The following TAF4 variants were observed in gnomAD, a reference collection of about 807,000 sequenced individuals.
TAF4 encodes transcription initiation factor TFIID subunit 4.
TAF4 carries 9 observed loss-of-function variants against 90.3 expected under a neutral mutation model. The ratio of observed to expected loss-of-function variants is 0.10; its 90% confidence interval spans 0.06 to 0.17. TAF4 has a LOEUF of 0.17. TAF4 is among the 10% of genes least tolerant of loss of function. The pLI is 1.00. For synonymous variants in TAF4, 818 were observed against 638.9 expected, an observed-to-expected ratio of 1.28 and a Z score of -4.23; for missense variants, 1,351 against 1,370.7, an observed-to-expected ratio of 0.99 and a Z score of 0.23.
intron 1 of TAF4, 37 bp from the exon 2 acceptor site, chr20:62,014,744 C>T (rs757188104): frequency 6.2e-7 from 1 of 1,605,366 alleles, no homozygotes; most frequent in South Asian, 1.1e-5. Context: ...GGAACGCAAC[C>T]ACCCCAGAGC....
chr20:61,991,543 G>A (rs536262648), intron 14 of TAF4, among the ~76,000 whole-genome samples: 2 of 151,766 alleles, frequency 1.3e-5, no homozygotes, highest in Non-Finnish European at 2.9e-5. Flanking sequence ...AGGCTGCAGT[G>A]AGCTGTGATC....
chr20:62,004,328 C>CTTTTT (rs60437230), intron 7 of TAF4, among the ~76,000 whole-genome samples: 35,297 of 116,194 alleles, frequency 0.3, 5,887 homozygotes, highest in Non-Finnish European at 0.33. Flanking sequence ...CTTTTCTTTT[C>CTTTTT]TTTTTTTTTT....
intron 14 of TAF4, among the ~76,000 whole-genome samples, chr20:61,987,230 G>A (rs1230141721): frequency 3.9e-5 from 6 of 152,060 alleles, no homozygotes; most frequent in South Asian, 2.1e-4. Context: ...CTAAGGAAAC[G>A]TCCACCAGAC....
chr20:62,045,553 G>A (rs756440778), intron 1 of TAF4, among the ~76,000 whole-genome samples: 2 of 152,232 alleles, frequency 1.3e-5, no homozygotes, highest in South Asian at 2.1e-4. Flanking sequence ...CAGGAATACA[G>A]ACTAGCATGC....
intron 1 of TAF4, among the ~76,000 whole-genome samples, chr20:62,016,740 TCTCTC>T (rs906437535): frequency 4.6e-5 from 7 of 152,196 alleles, no homozygotes; most frequent in African/African-American, 7.2e-5. Flanking sequence ...CATAGATTCA[TCTCTC>T]CTATTAGTTC....
At chr20:62,004,327 T>TC (rs2055729390) in intron 7 of TAF4, among the ~76,000 whole-genome samples, 1 of 125,828 alleles carries the variant, frequency 7.9e-6, no homozygotes, top group Non-Finnish European at 1.7e-5. Context: ...TCTTTTCTTT[T>TC]CTTTTTTTTT....
At chr20:61,984,896 T>C (rs1234109372) in intron 14 of TAF4, among the ~76,000 whole-genome samples, 1 of 62,616 alleles carries the variant, frequency 1.6e-5, no homozygotes, top group African/African-American at 7.0e-5. Context: ...GCAGCAGGAC[T>C]AGGGAGGGTG....
intron 1 of TAF4, among the ~76,000 whole-genome samples, chr20:62,054,586 C>A (rs2056049983): frequency 1.3e-5 from 2 of 152,168 alleles, no homozygotes; most frequent in Non-Finnish European, 1.5e-5. Context: ...TTGCTCTGGG[C>A]CACCCTTCCT....
intron 14 of TAF4, chr20:61,980,754 G>T (rs962798452): frequency 3.3e-5 from 5 of 152,302 alleles, no homozygotes; most frequent in Admixed American, 1.3e-4. Flanking sequence ...GTCTGCACTG[G>T]ACGAGGGCGC....
At chr20:62,034,603 G>T (rs1377609756) in intron 1 of TAF4, among the ~76,000 whole-genome samples, 1 of 151,456 alleles carries the variant, frequency 6.6e-6, no homozygotes, top group Non-Finnish European at 1.5e-5. Flanking sequence ...GTGCTGAGAT[G>T]ACAGGCATGA....
Position 62,054,770 on chromosome 20 carries a change from C to G in TAF4, c.1360+9681G>C, listed in dbSNP as rs368388679. 3.3e-5 allele frequency among the ~76,000 whole-genome samples: 5 copies of G among 152,260 alleles called. No homozygotes were observed. The South Asian group carries it at 6.2e-4, about 19-fold the overall frequency. ...ACCTGCAGGGCAGCCTCCTACGGCT[C>G]TTCTAGTCTACTCTACAGGCTCATA... On this transcript the variant is annotated intron_variant, in intron 1 of 14. Coordinates refer to ENST00000252996, the MANE Select transcript of TAF4 (RefSeq NM_003185.4).
intron 14 of TAF4, among the ~76,000 whole-genome samples, chr20:61,984,177 G>A (rs1337007089): frequency 4.6e-5 from 7 of 152,082 alleles, no homozygotes; most frequent in African/African-American, 1.7e-4. Context: ...ATGTCCACCC[G>A]CTCATCACGT....
chr20:62,041,248 T>G (rs1488286963), intron 1 of TAF4, among the ~76,000 whole-genome samples: 1 of 152,176 alleles, frequency 6.6e-6, no homozygotes, highest in Non-Finnish European at 1.5e-5. Flanking sequence ...ATCTGTGCAC[T>G]TACAAGGGGG....
chr20:62,064,893 C>A lies in TAF4; in HGVS notation c.918G>T (p.Gly306=). 1.2e-6 allele frequency: 1 copy of A among 842,956 alleles called. No individual in the cohort carries two copies. The highest frequency in any genetic ancestry group is 5.4e-5 in the South Asian group (1 of 18,670). 52.2% of individuals were successfully genotyped at this position (842,956 alleles called of 1,614,324 possible). A position where few individuals can be genotyped will look rare whatever the true frequency, so the allele number is the denominator to read the frequency against. The change falls in exon 1 of 15, where the codon GGG becomes GGT. Residue 306 remains glycine (G), a synonymous_variant. Coordinates refer to ENST00000252996, the MANE Select transcript of TAF4 (RefSeq NM_003185.4). ...AVPPPAAAQN[G]GSAGAAPAPA... ...GGGCGGGGGCTGCCCCGGCGCTGCC[C>A]CCGTTCTGGGCGGCGGCGGGGGGCG...
Position 62,006,667 on chromosome 20 carries a change from G to A in TAF4, c.2066C>T (p.Ala689Val), listed in dbSNP as rs1481689578. The change falls in exon 7 of 15, where the codon GCC becomes GTC. Residue 689 changes from alanine (A) to valine (V), a missense_variant. Physicochemically the swap from Ala to Val is moderately conservative, Grantham distance 64. This residue lies in a region of TAF4 where 202 missense variants were observed against 229.7 expected (regional missense o/e 0.88). Transcript: ENST00000252996. The surrounding 1 kb of genome is among the most constrained non-coding windows in gnomAD (Gnocchi z 7.0). ...QQQPPPPTSQATTALTAVVLS... is the reference protein window; with the variant it reads ...QQQPPPPTSQVTTALTAVVLS... ...CACCACGGCCGTGAGCGCAGTGGTG[G>A]CCTGCGAGGTGGGCGGTGGCGGCTG... The A allele has an allele frequency of 5.6e-6, 9 of 1,596,444 alleles. No homozygotes were observed. The highest frequency in any genetic ancestry group is 1.3e-5 in the African/African-American group (1 of 74,182).
intron 1 of TAF4, among the ~76,000 whole-genome samples, chr20:62,059,352 A>G (rs1027082999): frequency 2.6e-5 from 4 of 152,250 alleles, no homozygotes; most frequent in African/African-American, 7.2e-5. Flanking sequence ...TTCATTTGAG[A>G]TATGTAAAAA....
rs756164065 is a variant in TAF4, at chr20:62,064,577, G to C, written c.1234C>G (p.Leu412Val). The C allele has an allele frequency of 6.6e-7, 1 of 1,506,960 alleles. No homozygotes were observed. The highest frequency in any genetic ancestry group is 1.4e-5 in the African/African-American group (1 of 70,236). The allele number at this position is 1,506,960 out of a possible 1,614,324, so 93.3% of individuals were successfully genotyped here. The change falls in exon 1 of 15, where the codon CTG becomes GTG. Residue 412 changes from leucine to valine, a missense_variant. Leu to Val is a conservative substitution (Grantham distance 32). Around this residue, in one of 9 missense-constraint regions of TAF4, gnomAD observed 782 missense variants for 536.6 expected, o/e 1.46. Transcript: ENST00000252996. ...KGAAGAVTQS[L>V]SRTPTATTSG... ...GTGGTGGCCGTGGGCGTCCGGGACAGGCTCTGGGTCACTGCGCCGGCCGCG... is the reference window on the plus strand; with the variant it reads ...GTGGTGGCCGTGGGCGTCCGGGACACGCTCTGGGTCACTGCGCCGGCCGCG...
In TAF4 at chr20:62,010,118, C is replaced by T. The variant is rs200382433; in HGVS notation, c.1689G>A (p.Thr563=). 3.8e-5 allele frequency: 62 copies of T among 1,613,898 alleles called. No individual in the cohort carries two copies. In the East Asian group the frequency reaches 1.1e-3, roughly 29 times the overall value. ...GGAAQTASLG[T]ATAVQTGTPQ... is the part of the protein sequence containing the mutation. Reference sequence around the variant, plus strand: ...GAGTCCCCGTCTGAACAGCCGTCGCCGTCCCAAGTGAAGCCGTCTGGGCAG... The same window carrying T: ...GAGTCCCCGTCTGAACAGCCGTCGCTGTCCCAAGTGAAGCCGTCTGGGCAG... The change falls in exon 4 of 15, where the codon ACG becomes ACA. Residue 563 remains threonine (T), a synonymous_variant. Transcript: ENST00000252996. The surrounding 1 kb of genome is among the most constrained non-coding windows in gnomAD (Gnocchi z 4.5).
At chr20:62,014,443 TCA>T in intron 2 of TAF4, 102 bp downstream of exon 2, 1 of 1,393,400 alleles carries the variant, frequency 7.2e-7, no homozygotes, top group Non-Finnish European at 9.4e-7. Flanking sequence ...TTCCCAGTCC[TCA>T]CTCCCATGGC....
Sources: gnomAD v4.1 joint callset for allele counts (sites outside exome capture counted in the v4.1 genomes callset) on GRCh38, gnomAD v4.1.1 for gene constraint, gnomAD v4.1.1 regional missense constraint, Gnocchi (gnomAD v3.1) non-coding constraint, MANE v1.5 for transcripts, NCBI Gene and HGNC (gene_info 2026-07-23, HGNC 2026-07-21) for gene names.